IL1RAPL2: variants seen among roughly 807,000 people sequenced by gnomAD.
The protein encoded by IL1RAPL2 is X-linked interleukin-1 receptor accessory protein-like 2.
A neutral mutation model predicts 44.1 loss-of-function variants in IL1RAPL2; 3 were observed. That is an observed-to-expected ratio of 0.07 (90% CI 0.03 to 0.18). IL1RAPL2 has a LOEUF of 0.18. Among genes scored for constraint, IL1RAPL2 ranks in the 10% least tolerant of loss-of-function variants. The pLI, the probability that IL1RAPL2 is intolerant of heterozygous loss-of-function variation, is 1.00. For missense variants in IL1RAPL2, 391 were observed against 496.4 expected, an observed-to-expected ratio of 0.79 and a Z score of 2.02; for synonymous variants, 181 against 178.8, an observed-to-expected ratio of 1.01 and a Z score of -0.10.
intron 2 of IL1RAPL2, among the ~76,000 whole-genome samples, chrX:104,832,276 A>C (rs1037079617): frequency 3.6e-5 from 4 of 111,674 alleles, no homozygotes; most frequent in African/African-American, 1.3e-4. Context: ...TTTTTATTTT[A>C]TTTTTTGATA....
chrX:105,493,805 G>T (rs1290658322), intron 6 of IL1RAPL2, among the ~76,000 whole-genome samples: 1 of 111,529 alleles, frequency 9.0e-6, no homozygotes, highest in Non-Finnish European at 1.9e-5. Flanking sequence ...GAAGTTAAAG[G>T]GGTGTCTAGT....
At chrX:105,259,378 T>A (rs753018569) in intron 4 of IL1RAPL2, among the ~76,000 whole-genome samples, 8 of 111,608 alleles carry the variant, frequency 7.2e-5, no homozygotes, top group Non-Finnish European at 1.1e-4. Flanking sequence ...TGGCTGTAGA[T>A]TGCAACTTGG....
chrX:105,625,074 T>C (rs1258432823), intron 6 of IL1RAPL2, among the ~76,000 whole-genome samples: 1 of 112,210 alleles, frequency 8.9e-6, no homozygotes, highest in Non-Finnish European at 1.9e-5. Context: ...GACATAGATA[T>C]ATTGTTTGGG....
intron 1 of IL1RAPL2, among the ~76,000 whole-genome samples, chrX:104,634,103 C>A (rs1214231912): frequency 9.0e-6 from 1 of 111,372 alleles, no homozygotes; most frequent in Non-Finnish European, 1.9e-5. Flanking sequence ...CGTTATGTAG[C>A]CAGTAGTCAT....
chrX:104,867,816 T>C (rs779048559), intron 2 of IL1RAPL2, among the ~76,000 whole-genome samples: 2 of 112,064 alleles, frequency 1.8e-5, no homozygotes, highest in South Asian at 3.7e-4. Flanking sequence ...AGCAATCCAA[T>C]TGAGAAATAA....
At chrX:104,791,124 T>C (rs150594457) in intron 2 of IL1RAPL2, among the ~76,000 whole-genome samples, 2,077 of 110,684 alleles carry the variant, frequency 0.019, 50 homozygotes, top group African/African-American at 0.063. Flanking sequence ...GGCTTTGGTA[T>C]AGGAGAAAGA....
At chrX:105,660,055 C>T (rs1387696548) in intron 6 of IL1RAPL2, among the ~76,000 whole-genome samples, 3 of 110,859 alleles carry the variant, frequency 2.7e-5, no homozygotes, top group Non-Finnish European at 3.8e-5. Context: ...GTAGGTTGAA[C>T]CCAAAGAAGA....
chrX:105,319,146 G>A (rs188242311), intron 5 of IL1RAPL2, among the ~76,000 whole-genome samples: 1 of 111,880 alleles, frequency 8.9e-6, no homozygotes, highest in African/African-American at 3.2e-5. Flanking sequence ...TTTGAGATGA[G>A]CTTTTTCTTT....
At chrX:105,026,381 A>C (rs73518218) in intron 2 of IL1RAPL2, among the ~76,000 whole-genome samples, 3,039 of 110,702 alleles carry the variant, frequency 0.027, 120 homozygotes, top group African/African-American at 0.095. Flanking sequence ...CAGGTGCTCA[A>C]AAGTTTCAGA....
intron 6 of IL1RAPL2, among the ~76,000 whole-genome samples, chrX:105,589,693 T>C (rs1055582330): frequency 9.0e-6 from 1 of 110,818 alleles, no homozygotes; most frequent in Non-Finnish European, 1.9e-5. Flanking sequence ...GTTGTAGGTA[T>C]GCAGCTTTAT....
At chrX:105,338,748 G>T (rs1484906437) in intron 5 of IL1RAPL2, among the ~76,000 whole-genome samples, 2 of 111,082 alleles carry the variant, frequency 1.8e-5, no homozygotes, top group Non-Finnish European at 3.8e-5. Context: ...ATCTTTTGCT[G>T]CCACCACCTC....
intron 2 of IL1RAPL2, among the ~76,000 whole-genome samples, chrX:105,097,350 A>C (rs1020432181): frequency 1.4e-3 from 152 of 106,364 alleles, no homozygotes; most frequent in African/African-American, 4.9e-3. Context: ...AAAAAAAAAA[A>C]AAAACATGCC....
chrX:104,921,090 C>T (rs1447624679), intron 2 of IL1RAPL2, among the ~76,000 whole-genome samples: 4 of 111,707 alleles, frequency 3.6e-5, no homozygotes, highest in African/African-American at 1.3e-4. Context: ...GAGTTCCTAG[C>T]TACAGGAATT....
chrX:105,100,365 G>A (rs1046303000), intron 2 of IL1RAPL2, among the ~76,000 whole-genome samples: 10 of 111,478 alleles, frequency 9.0e-5, no homozygotes, highest in African/African-American at 3.3e-4. Context: ...AGCTTTCTAT[G>A]GCCTTCTGTA....
Position 105,616,723 on chromosome X carries a change from G to A in IL1RAPL2, c.773-100644G>A, listed in dbSNP as rs778501177. ...TGGCAGATATTTTGTCCTGATCTAC[G>A]GCTTTCCTTTTCATCTTCACAATAT... On this transcript the variant is annotated intron_variant, in intron 6 of 10. Coordinates refer to ENST00000372582, the MANE Select transcript of IL1RAPL2 (RefSeq NM_017416.2). Among the ~76,000 whole-genome samples, 7 of 110,747 alleles carry A rather than the reference G, an allele frequency of 6.3e-5. No homozygotes were observed. In the South Asian group the frequency reaches 2.7e-3, roughly 42 times the overall value.
chrX:105,381,505 T>C (rs1312770913), intron 5 of IL1RAPL2, among the ~76,000 whole-genome samples: 1 of 111,909 alleles, frequency 8.9e-6, no homozygotes, highest in African/African-American at 3.2e-5. Context: ...GAGAGGGCAC[T>C]ATGCAGAAGC....
intron 2 of IL1RAPL2, among the ~76,000 whole-genome samples, chrX:104,748,057 A>G (rs1932204391): frequency 9.0e-6 from 1 of 111,514 alleles, no homozygotes; most frequent in Non-Finnish European, 1.9e-5. Context: ...CATGTGGAAG[A>G]TGGTTCATTT....
chrX:105,356,162 ATG>A lies in IL1RAPL2; in HGVS notation c.697+88642_697+88643del, dbSNP rs3037850. On this transcript the variant is annotated intron_variant, in intron 5 of 10. Transcript: ENST00000372582. ...GGGGTGTGTGTGTATGTGTGTGTGTATGTGTGTGTGTGTGTGTGTGTGGTTTG... is the reference window on the plus strand; with the variant it reads ...GGGGTGTGTGTGTATGTGTGTGTGTATGTGTGTGTGTGTGTGTGTGGTTTG... 2.5e-3 allele frequency among the ~76,000 whole-genome samples: 253 copies of A among 103,028 alleles called. 3 individuals are homozygous for A. The East Asian group carries it at 0.028, about 11-fold the overall frequency. The allele number at this position is 103,028 out of a possible 115,157, so 89.5% of individuals were successfully genotyped here.
intron 2 of IL1RAPL2, among the ~76,000 whole-genome samples, chrX:104,849,860 C>T (rs1400837327): frequency 9.0e-6 from 1 of 110,870 alleles, no homozygotes; most frequent in African/African-American, 3.3e-5. Flanking sequence ...TATGAGTGCT[C>T]ATTTACCTAA....
Sources: gnomAD v4.1 joint callset for allele counts (sites outside exome capture counted in the v4.1 genomes callset) on GRCh38, gnomAD v4.1.1 for gene constraint, MANE v1.5 for transcripts, NCBI Gene and HGNC (gene_info 2026-07-23, HGNC 2026-07-21) for gene names.